Variants in QKI observed in about 807,000 individuals in gnomAD.
QKI encodes the protein KH domain-containing RNA-binding protein QKI.
In QKI, 10 loss-of-function variants were observed where a neutral mutation model predicts 39.0. The observed-to-expected ratio is 0.26, with a 90% CI of 0.16 to 0.43. QKI has a LOEUF of 0.43. Among genes scored for constraint, QKI ranks in the 20% least tolerant of loss-of-function variants. The pLI is 1.00. For synonymous variants in QKI, 204 were observed against 155.4 expected, an observed-to-expected ratio of 1.31 and a Z score of -2.33; for missense variants, 218 against 428.0, an observed-to-expected ratio of 0.51 and a Z score of 4.33.
chr6:163,558,980 G>A (rs899116576), intron 4 of QKI, among the ~76,000 whole-genome samples: 5 of 152,056 alleles, frequency 3.3e-5, no homozygotes, highest in Admixed American at 6.5e-5. Context: ...ATTCTCTTAG[G>A]GTGATCTCTC....
At chr6:163,436,789 C>CAAAAAAAAA (rs60899517) in intron 1 of QKI, among the ~76,000 whole-genome samples, 1 of 89,438 alleles carries the variant, frequency 1.1e-5, no homozygotes, top group Non-Finnish European at 2.0e-5. Flanking sequence ...GACTCCGTCT[C>CAAAAAAAAA]AAAAAAAAAA....
At chr6:163,546,144 A>G (rs1781858898) in intron 4 of QKI, among the ~76,000 whole-genome samples, 1 of 151,126 alleles carries the variant, frequency 6.6e-6, no homozygotes, top group African/African-American at 2.4e-5. Context: ...AATGTATGAT[A>G]TTCTACACAG....
At chr6:163,484,837 A>T (rs1250253506) in intron 3 of QKI, among the ~76,000 whole-genome samples, 1 of 152,206 alleles carries the variant, frequency 6.6e-6, no homozygotes, top group African/African-American at 2.4e-5. Context: ...TAAAAGTTTG[A>T]AATATTGTGA....
At chr6:163,481,242 T>C (rs80145864) in intron 3 of QKI, among the ~76,000 whole-genome samples, 4,160 of 152,056 alleles carry the variant, frequency 0.027, 102 homozygotes, top group East Asian at 0.13. Context: ...CATGTGTGTA[T>C]ATATATATAT....
At chr6:163,452,539 G>T (rs560697021) in intron 1 of QKI, among the ~76,000 whole-genome samples, 2 of 152,148 alleles carry the variant, frequency 1.3e-5, no homozygotes, top group African/African-American at 4.8e-5. Flanking sequence ...ATTTATTGAG[G>T]GCCAGCTGTG....
intron 3 of QKI, among the ~76,000 whole-genome samples, chr6:163,487,573 A>G (rs1034910110): frequency 6.6e-6 from 1 of 152,078 alleles, no homozygotes; most frequent in African/African-American, 2.4e-5. Context: ...TGTAATTGAT[A>G]GATCTCTTAA....
intron 4 of QKI, among the ~76,000 whole-genome samples, chr6:163,548,012 C>A (rs1781996804): frequency 6.6e-6 from 1 of 152,168 alleles, no homozygotes; most frequent in East Asian, 1.9e-4. Context: ...TTTACACTTA[C>A]ACCCACACAT....
chr6:163,571,819 C>A lies in QKI; in HGVS notation c.*1109C>A, dbSNP rs753128035. On this transcript the variant is annotated 3_prime_UTR_variant, in exon 8 of 8. Transcript: ENST00000361752. ...AGACCAAAAGAGCCTTTTTGTCTTT[C>A]TTTTTTATTTTTTAAGTATTGGAAT... 6 of 151,620 alleles carry A rather than the reference C, an allele frequency of 4.0e-5. No homozygotes were observed. The highest frequency in any genetic ancestry group is 2.0e-4 in the Admixed American group (3 of 15,234). 9.4% of individuals were successfully genotyped at this position (151,620 alleles called of 1,614,324 possible). A position where few individuals can be genotyped will look rare whatever the true frequency, so the allele number is the denominator to read the frequency against.
chr6:163,489,452 G>A (rs1777916290), intron 3 of QKI, among the ~76,000 whole-genome samples: 1 of 139,088 alleles, frequency 7.2e-6, no homozygotes. Context: ...GTGTGTGTGT[G>A]TGTGTTGTGT....
At position 163,448,794 on chromosome 6, in the gene QKI, T is replaced by G. The variant is rs149120966; in HGVS notation, c.143-6485T>G. Among the ~76,000 whole-genome samples the G allele has an allele frequency of 3.7e-3, 556 of 152,050 alleles. 6 individuals are homozygous for G. Among genetic ancestry groups the G allele is most frequent in the African/African-American group, 0.012 (504 of 41,478 alleles). ...GTAACTTGCTTTTTAATCTAGTTGC[T>G]CTCTGTACCTTGTGAACTTGGCCTC... On this transcript the variant is annotated intron_variant, in intron 1 of 7. Transcript: ENST00000361752.
At chr6:163,484,982 A>T (rs1777554185) in intron 3 of QKI, among the ~76,000 whole-genome samples, 1 of 152,186 alleles carries the variant, frequency 6.6e-6, no homozygotes, top group South Asian at 2.1e-4. Context: ...AGTACAATAA[A>T]AGGAGGTATG....
rs73784446 is a variant in QKI, at chr6:163,529,003, T to C, written c.403-5979T>C. ...AATACTTTTGACCCATCTTGTCTCC[T>C]GTTCTTCTGATACATCAAAACAAGG... On this transcript the variant is annotated intron_variant, in intron 3 of 7. Transcript: ENST00000361752. Among the ~76,000 whole-genome samples, 509 of 152,338 alleles carry C rather than the reference T, an allele frequency of 3.3e-3. 3 individuals are homozygous for C. Among genetic ancestry groups the C allele is most frequent in the African/African-American group, 0.012 (479 of 41,574 alleles).
chr6:163,541,752 A>G (rs576738529), intron 4 of QKI, among the ~76,000 whole-genome samples: 2 of 152,070 alleles, frequency 1.3e-5, no homozygotes, highest in South Asian at 4.1e-4. Context: ...TATGATAGTA[A>G]CTTTTTCCTT....
At chr6:163,475,117 G>T (rs1415656770) in intron 2 of QKI, among the ~76,000 whole-genome samples, 2 of 152,168 alleles carry the variant, frequency 1.3e-5, no homozygotes, top group East Asian at 3.8e-4. Flanking sequence ...GGAAGAGCAA[G>T]AGAGAAGAAC....
At chr6:163,476,264 A>G (rs541269585) in intron 2 of QKI, among the ~76,000 whole-genome samples, 3 of 151,604 alleles carry the variant, frequency 2.0e-5, no homozygotes, top group East Asian at 3.9e-4. Context: ...ATAATTTAAC[A>G]CTATGTACTA....
At chr6:163,516,678 T>C (rs924907972) in intron 3 of QKI, among the ~76,000 whole-genome samples, 1 of 152,212 alleles carries the variant, frequency 6.6e-6, no homozygotes, top group Non-Finnish European at 1.5e-5. Context: ...TCAAGAAAGC[T>C]TTTTATTTTT....
chr6:163,521,002 T>C (rs939288834), intron 3 of QKI, among the ~76,000 whole-genome samples: 1 of 152,156 alleles, frequency 6.6e-6, no homozygotes, highest in African/African-American at 2.4e-5. Flanking sequence ...AGTCACCTAG[T>C]TTTTCTAATG....
At chr6:163,567,251 C>T in intron 7 of QKI, 1 of 987,054 alleles carries the variant, frequency 1.0e-6, no homozygotes, top group South Asian at 4.7e-5. Context: ...ATTTAGTTTC[C>T]ATTTTTCTTT....
At chr6:163,535,354 A>G (rs1434323668) in intron 4 of QKI, among the ~76,000 whole-genome samples, 1 of 152,142 alleles carries the variant, frequency 6.6e-6, no homozygotes, top group Non-Finnish European at 1.5e-5. Flanking sequence ...ACGTCGCGTA[A>G]GAAATTATCC....
Sources: gnomAD v4.1 joint callset for allele counts (sites outside exome capture counted in the v4.1 genomes callset) on GRCh38, gnomAD v4.1.1 for gene constraint, MANE v1.5 for transcripts, NCBI Gene and HGNC (gene_info 2026-07-23, HGNC 2026-07-21) for gene names.